The following ANKS1B variants were observed in gnomAD, a reference collection of about 807,000 sequenced individuals.
ANKS1B encodes ankyrin repeat and sterile alpha motif domain containing 1B.
In ANKS1B, 36 loss-of-function variants were observed where a neutral mutation model predicts 148.3. The observed-to-expected ratio is 0.24, with a 90% CI of 0.19 to 0.32. The LOEUF (loss-of-function observed/expected upper bound fraction) is 0.32, where lower values mean the gene tolerates loss of function less well. Among genes scored for constraint, ANKS1B ranks in the 10% least tolerant of loss-of-function variants. ANKS1B has a pLI of 1.00. For missense variants in ANKS1B, 1,157 were observed against 1,542.6 expected (o/e 0.75, Z 4.19); for synonymous variants, 542 against 560.8 (o/e 0.97, Z 0.47).
At chr12:99,193,441 C>T (rs1254041135) in intron 14 of ANKS1B, among the ~76,000 whole-genome samples, 1 of 151,930 alleles carries the variant, frequency 6.6e-6, no homozygotes, top group East Asian at 1.9e-4. Flanking sequence ...TTCATATCCA[C>T]TTTTTGTCCA....
At chr12:98,839,155 A>G (rs1484085382) in intron 17 of ANKS1B, among the ~76,000 whole-genome samples, 2 of 152,248 alleles carry the variant, frequency 1.3e-5, no homozygotes, top group Non-Finnish European at 2.9e-5. Context: ...CTAGCTAAGT[A>G]ATCTTTAATG....
intron 16 of ANKS1B, among the ~76,000 whole-genome samples, chr12:99,054,548 AT>A (rs977365347): frequency 6.6e-6 from 1 of 151,398 alleles, no homozygotes; most frequent in Non-Finnish European, 1.5e-5. Flanking sequence ...GTTTTATTTT[AT>A]TTTTTTTGAA....
At chr12:98,920,923 A>C (rs1233274483) in intron 17 of ANKS1B, among the ~76,000 whole-genome samples, 3 of 152,218 alleles carry the variant, frequency 2.0e-5, no homozygotes, top group African/African-American at 7.2e-5. Context: ...CAGCTGGCAA[A>C]AGCTAAGGAT....
intron 12 of ANKS1B, among the ~76,000 whole-genome samples, chr12:99,360,367 G>T (rs1468887653): frequency 1.3e-5 from 2 of 152,216 alleles, no homozygotes; most frequent in Admixed American, 6.5e-5. Flanking sequence ...AAAAGAACCA[G>T]TAATTCCAGT....
chr12:99,150,730 A>C (rs1271083361), intron 15 of ANKS1B, among the ~76,000 whole-genome samples: 3 of 152,094 alleles, frequency 2.0e-5, no homozygotes, highest in Admixed American at 1.3e-4. Flanking sequence ...CTTGGTGAAA[A>C]AAAATGTCGA....
intron 9 of ANKS1B, among the ~76,000 whole-genome samples, chr12:99,530,621 C>T (rs926049107): frequency 6.6e-6 from 1 of 151,926 alleles, no homozygotes; most frequent in Non-Finnish European, 1.5e-5. Flanking sequence ...CACAACAAAA[C>T]TTATGCAAAT....
At chr12:99,128,157 C>G (rs886449874) in intron 15 of ANKS1B, among the ~76,000 whole-genome samples, 2 of 152,168 alleles carry the variant, frequency 1.3e-5, no homozygotes, top group African/African-American at 4.8e-5. Context: ...TATTAGCCCT[C>G]AGCGTGGCTA....
intron 14 of ANKS1B, among the ~76,000 whole-genome samples, chr12:99,193,244 G>A (rs1601571787): frequency 8.4e-6 from 1 of 118,354 alleles, no homozygotes; most frequent in African/African-American, 2.7e-5. Flanking sequence ...TGCAGAAGCA[G>A]GAAGGTTGCT....
intron 1 of ANKS1B, among the ~76,000 whole-genome samples, chr12:99,898,242 T>C (rs10860534): frequency 0.14 from 20,656 of 152,130 alleles, 2,371 homozygotes; most frequent in African/African-American, 0.31. Flanking sequence ...ATATACATGA[T>C]CTCACCACAA....
rs866783878 is a variant in ANKS1B, at chr12:99,479,694, G to A, written c.1438+24782C>T. Among the ~76,000 whole-genome samples, 13 of 151,934 alleles carry A rather than the reference G, an allele frequency of 8.6e-5. 1 individual carries two copies. In the Middle Eastern group the frequency reaches 0.02, roughly 239 times the overall value. On this transcript the variant is annotated intron_variant, in intron 10 of 26. Transcript: ENST00000683438. ...AGAAAAGTCAAACTCATATAAGCAG[G>A]GAGTAGAATAATGGTTACCAGACGT...
At chr12:99,926,462 C>T (rs866417858) in intron 1 of ANKS1B, among the ~76,000 whole-genome samples, 19 of 152,270 alleles carry the variant, frequency 1.2e-4, no homozygotes, top group Middle Eastern at 3.4e-3. Flanking sequence ...AAAATTCTTC[C>T]AGCCCAACTG....
intron 17 of ANKS1B, among the ~76,000 whole-genome samples, chr12:99,050,630 G>T (rs1442093659): frequency 1.3e-5 from 2 of 151,764 alleles, no homozygotes; most frequent in Non-Finnish European, 2.9e-5. Flanking sequence ...CTGTATTGAA[G>T]CCAGAAAACT....
chr12:99,670,618 A>G (rs2098533399), intron 8 of ANKS1B, among the ~76,000 whole-genome samples: 1 of 152,196 alleles, frequency 6.6e-6, no homozygotes, highest in Non-Finnish European at 1.5e-5. Flanking sequence ...AAAGACACAT[A>G]TCTATACATA....
chr12:99,002,385 T>G (rs2153371658), intron 17 of ANKS1B, among the ~76,000 whole-genome samples: 1 of 152,330 alleles, frequency 6.6e-6, no homozygotes, highest in African/African-American at 2.4e-5. Flanking sequence ...TGACAAAGAT[T>G]GTATATATTT....
rs558138486 is a variant in ANKS1B, at chr12:99,922,794, A to G, written c.134+61310T>C. 6.1e-5 allele frequency among the ~76,000 whole-genome samples: 8 copies of G among 131,962 alleles called. No homozygotes were observed. In the East Asian group the frequency reaches 1.4e-3, roughly 22 times the overall value. The allele number at this position is 131,962 out of a possible 152,430, so 86.6% of individuals were successfully genotyped here. On this transcript the variant is annotated intron_variant, in intron 1 of 26. Coordinates refer to ENST00000683438, the MANE Select transcript of ANKS1B (RefSeq NM_001352186.2). ...CTCTGCCCTTCTGAATGGATTAATG[A>G]CATTAAGGTAGGAATGGGTTACTCA...
intron 16 of ANKS1B, among the ~76,000 whole-genome samples, chr12:99,073,510 C>T (rs530709662): frequency 6.6e-6 from 1 of 152,294 alleles, no homozygotes; most frequent in Non-Finnish European, 1.5e-5. Context: ...TTCTCTCAGG[C>T]TACCTTCAAG....
intron 10 of ANKS1B, among the ~76,000 whole-genome samples, chr12:99,470,057 G>A (rs12319807): frequency 0.012 from 1,826 of 151,686 alleles, 48 homozygotes; most frequent in African/African-American, 0.042. Flanking sequence ...AGTTTTAGGC[G>A]GCCGTGAGTT....
At chr12:98,741,814 A>AAAAC (rs1374784646), downstream of ANKS1B, among the ~76,000 whole-genome samples, 11 of 152,206 alleles carry the variant, frequency 7.2e-5, no homozygotes, top group African/African-American at 2.4e-4. Flanking sequence ...CAAATGTCAG[A>AAAAC]AAACAGCTGA....
chr12:99,475,957 G>A (rs569059787), intron 10 of ANKS1B, among the ~76,000 whole-genome samples: 40 of 152,114 alleles, frequency 2.6e-4, no homozygotes, highest in Non-Finnish European at 5.0e-4. Context: ...ATGGATTACA[G>A]AATTGATTTT....
Sources: gnomAD v4.1 joint callset for allele counts (sites outside exome capture counted in the v4.1 genomes callset) on GRCh38, gnomAD v4.1.1 for gene constraint, MANE v1.5 for transcripts, NCBI Gene and HGNC (gene_info 2026-07-23, HGNC 2026-07-21) for gene names.